The following SLC14A2 variants were observed in gnomAD, a reference collection of about 807,000 sequenced individuals.
The protein encoded by SLC14A2 is solute carrier family 14 member 2.
Under a neutral mutation model 104.6 loss-of-function variants are expected in SLC14A2, and 91 were observed. The observed-to-expected ratio is 0.87, with a 90% CI of 0.73 to 1.04. The LOEUF (loss-of-function observed/expected upper bound fraction) is 1.04, where lower values mean the gene tolerates loss of function less well. Among genes scored for constraint, SLC14A2 ranks in the 50% least tolerant of loss-of-function variants. The pLI is 0.00. For synonymous variants in SLC14A2, 476 were observed against 466.4 expected (o/e 1.02, Z -0.27); for missense variants, 1,189 against 1,156.0 (o/e 1.03, Z -0.41).
Position 45,281,769 on chromosome 18 carries a change from TC to T in SLC14A2, c.-125+68579del, listed in dbSNP as rs1182689296. On this transcript the variant is annotated intron_variant, in intron 1 of 20. Transcript: ENST00000586448. The stretch of plus-strand genomic sequence containing the variant: ...TCAGGAGTAGGAGTCTCTTAACAAA[TC>T]TGACACCTTTCTGTTAATGTGAAAC... 6.6e-5 allele frequency among the ~76,000 whole-genome samples: 10 copies of T among 152,174 alleles called. No homozygotes were observed. The East Asian group carries it at 1.9e-3, about 29-fold the overall frequency.
chr18:45,463,303 C>T (rs933574260), intron 1 of SLC14A2, among the ~76,000 whole-genome samples: 3 of 152,142 alleles, frequency 2.0e-5, no homozygotes, highest in Non-Finnish European at 2.9e-5. Context: ...AGCCTGAACA[C>T]GACACCCAGC....
chr18:45,628,436 C>T (rs1459553415), intron 4 of SLC14A2, among the ~76,000 whole-genome samples: 1 of 95,746 alleles, frequency 1.0e-5, no homozygotes, highest in Admixed American at 1.2e-4. Context: ...GAGCGAGACT[C>T]TGCCTCAAAA....
intron 10 of SLC14A2, among the ~76,000 whole-genome samples, chr18:45,657,338 T>A (rs540856924): frequency 2.5e-4 from 37 of 146,936 alleles, no homozygotes; most frequent in African/African-American, 9.5e-4. Flanking sequence ...AAAAAAAAAA[T>A]TAGCTAGGAG....
chr18:45,240,347 G>A (rs530756001), intron 1 of SLC14A2, among the ~76,000 whole-genome samples: 16 of 151,546 alleles, frequency 1.1e-4, no homozygotes, highest in African/African-American at 3.4e-4. Flanking sequence ...AGCCCACCTC[G>A]GCCCCCCAAA....
At chr18:45,277,067 A>G (rs1315204696) in intron 1 of SLC14A2, among the ~76,000 whole-genome samples, 5 of 152,362 alleles carry the variant, frequency 3.3e-5, no homozygotes, top group South Asian at 4.1e-4. Flanking sequence ...ATGGGAGCCA[A>G]TCAGTCATCT....
chr18:45,515,527 GA>G (rs1475301869), intron 2 of SLC14A2: 1 of 152,260 alleles, frequency 6.6e-6, no homozygotes, highest in African/African-American at 2.4e-5. Flanking sequence ...AATGCTCTGA[GA>G]AAGAAGAGAT....
chr18:45,342,846 C>T (rs1420915645), intron 1 of SLC14A2, among the ~76,000 whole-genome samples: 1 of 152,144 alleles, frequency 6.6e-6, no homozygotes, highest in African/African-American at 2.4e-5. Context: ...TGAGCTCTGT[C>T]CTTGGAAGAA....
chr18:45,537,494 T>C (rs1473895539), intron 2 of SLC14A2, among the ~76,000 whole-genome samples: 1 of 152,152 alleles, frequency 6.6e-6, no homozygotes, highest in East Asian at 1.9e-4. Context: ...GGCAGTGTGC[T>C]GGCAGCAAAA....
intron 16 of SLC14A2, among the ~76,000 whole-genome samples, chr18:45,671,053 G>A (rs893662451): frequency 2.0e-5 from 3 of 152,206 alleles, no homozygotes; most frequent in Admixed American, 6.5e-5. Flanking sequence ...TGTGCTGGCA[G>A]TTCAGCTTCT....
chr18:45,488,478 T>C (rs1418505832), intron 2 of SLC14A2, among the ~76,000 whole-genome samples: 2 of 152,146 alleles, frequency 1.3e-5, no homozygotes, highest in Non-Finnish European at 2.9e-5. Flanking sequence ...TGGTCAGCCA[T>C]GGAAGTGGCT....
chr18:45,614,708 G>C (rs1269894939), upstream of SLC14A2: 1 of 149,950 alleles, frequency 6.7e-6, no homozygotes, highest in Non-Finnish European at 1.5e-5. Context: ...GTAGCCCTTT[G>C]TTTTGGCCAA....
At chr18:45,331,467 G>A (rs1309743890) in intron 1 of SLC14A2, among the ~76,000 whole-genome samples, 4 of 152,006 alleles carry the variant, frequency 2.6e-5, no homozygotes, top group African/African-American at 4.8e-5. Context: ...TGAGGCAGGC[G>A]GATCACAAGG....
chr18:45,505,600 T>C (rs1392467001), intron 2 of SLC14A2, among the ~76,000 whole-genome samples: 1 of 152,162 alleles, frequency 6.6e-6, no homozygotes, highest in African/African-American at 2.4e-5. Flanking sequence ...GTCAGGCCAG[T>C]GTCTTACGTG....
chr18:45,573,895 AT>A (rs2044383189), intron 2 of SLC14A2, among the ~76,000 whole-genome samples: 1 of 152,264 alleles, frequency 6.6e-6, no homozygotes, highest in African/African-American at 2.4e-5. Context: ...TTGAAACCTT[AT>A]TAAAATTAAG....
At chr18:45,462,959 C>T (rs1017042875) in intron 1 of SLC14A2, among the ~76,000 whole-genome samples, 4 of 152,114 alleles carry the variant, frequency 2.6e-5, no homozygotes, top group Non-Finnish European at 5.9e-5. Flanking sequence ...CCTTTTAAAA[C>T]GAAATATGCT....
intron 5 of SLC14A2, 152 bp from the exon 6 acceptor site, chr18:45,636,838 A>G (rs976856159): frequency 3.3e-6 from 2 of 613,178 alleles, no homozygotes; most frequent in African/African-American, 3.7e-5. Flanking sequence ...TCTATTCCCT[A>G]TCCCAGATCA....
chr18:45,313,089 A>G (rs2085095007), intron 1 of SLC14A2, among the ~76,000 whole-genome samples: 1 of 152,212 alleles, frequency 6.6e-6, no homozygotes, highest in Non-Finnish European at 1.5e-5. Flanking sequence ...CTCAAGTTTA[A>G]TGATGTCCTT....
chr18:45,658,020 T>C (rs1359687664), intron 10 of SLC14A2, among the ~76,000 whole-genome samples: 1 of 152,026 alleles, frequency 6.6e-6, no homozygotes, highest in Non-Finnish European at 1.5e-5. Context: ...AGTCAAAGCA[T>C]AGAACTGGTT....
intron 2 of SLC14A2, among the ~76,000 whole-genome samples, chr18:45,504,567 G>T (rs1024185021): frequency 1.3e-5 from 2 of 152,154 alleles, no homozygotes; most frequent in African/African-American, 4.8e-5. Flanking sequence ...TCATTTGTTT[G>T]CCTTATGTGG....
Sources: gnomAD v4.1 joint callset for allele counts (sites outside exome capture counted in the v4.1 genomes callset) on GRCh38, gnomAD v4.1.1 for gene constraint, MANE v1.5 for transcripts, NCBI Gene and HGNC (gene_info 2026-07-23, HGNC 2026-07-21) for gene names.